The following ODR4 variants were observed in gnomAD, a reference collection of about 807,000 sequenced individuals.
ODR4 encodes odr-4 GPCR localization factor homolog.
Under a neutral mutation model 60.2 loss-of-function variants are expected in ODR4, and 47 were observed. The observed-to-expected ratio is 0.78, with a 90% CI of 0.62 to 1.00. ODR4 has a LOEUF of 1.00. Ranked by LOEUF, ODR4 falls within the 50% of genes least tolerant of loss-of-function variation. The pLI, the probability that ODR4 is intolerant of heterozygous loss-of-function variation, is 0.00. For missense variants in ODR4, 488 were observed against 530.8 expected, an observed-to-expected ratio of 0.92 and a Z score of 0.79; for synonymous variants, 178 against 175.5, an observed-to-expected ratio of 1.01 and a Z score of -0.11.
Position 186,375,993 on chromosome 1 carries a change from A to AGTGTGTGTGTGTGT in ODR4, c.-20+35_-20+48dup, listed in dbSNP as rs113247382. 348 of 158,494 alleles carry AGTGTGTGTGTGTGT rather than the reference A, an allele frequency of 2.2e-3. 2 individuals are homozygous for AGTGTGTGTGTGTGT. Among genetic ancestry groups the AGTGTGTGTGTGTGT allele is most frequent in the East Asian group, 6.4e-3 (35 of 5,444 alleles). 9.8% of individuals were successfully genotyped at this position (158,494 alleles called of 1,614,324 possible). A position where few individuals can be genotyped will look rare whatever the true frequency, so the allele number is the denominator to read the frequency against. ...AAAACAGGTAAGTCAGCCTAAGTGTAGTGTGTGTGTGTGTGTGTGTGTGTG... is the reference window on the plus strand; with the variant it reads ...AAAACAGGTAAGTCAGCCTAAGTGTAGTGTGTGTGTGTGTGTGTGTGTGTGTGTGTGTGTGTGTG... On this transcript the variant is annotated intron_variant, in intron 1 of 13. Coordinates refer to ENST00000287859, the MANE Select transcript of ODR4 (RefSeq NM_017847.6).
At chr1:186,387,478 A>G (rs1660296792) in intron 4 of ODR4, among the ~76,000 whole-genome samples, 1 of 152,162 alleles carries the variant, frequency 6.6e-6, no homozygotes, top group African/African-American at 2.4e-5. Context: ...TTGCTTTTGT[A>G]TCTTTTGTTC....
chr1:186,424,791 G>T (rs1231812715), downstream of ODR4, among the ~76,000 whole-genome samples: 2 of 151,866 alleles, frequency 1.3e-5, no homozygotes, highest in African/African-American at 4.8e-5. Flanking sequence ...TTCCAGTCGT[G>T]GTGGCTGGGC....
At chr1:186,403,303 A>G (rs188118472) in intron 11 of ODR4, among the ~76,000 whole-genome samples, 24 of 152,174 alleles carry the variant, frequency 1.6e-4, no homozygotes, top group African/African-American at 5.5e-4. Flanking sequence ...TTTATGAGGT[A>G]TATGAGATGT....
chr1:186,406,817 C>T (rs569091796), intron 12 of ODR4, among the ~76,000 whole-genome samples: 3 of 151,766 alleles, frequency 2.0e-5, no homozygotes, highest in African/African-American at 4.8e-5. Flanking sequence ...TTTTTTTTCC[C>T]TAGCCATCAC....
the ODR4 span, among the ~76,000 whole-genome samples, chr1:186,433,649 C>T: frequency 6.6e-6 from 1 of 152,112 alleles, no homozygotes; most frequent in Non-Finnish European, 1.5e-5. Flanking sequence ...GGTGTGATCT[C>T]AGCTCACTGC....
In ODR4 at chr1:186,379,944, A is replaced by G. The variant is rs992491731; in HGVS notation, c.99+60A>G. The G allele has an allele frequency of 7.9e-6, 8 of 1,009,582 alleles. No homozygotes were observed. In the Admixed American group the frequency reaches 8.2e-5, roughly 10 times the overall value. The allele number at this position is 1,009,582 out of a possible 1,614,324, so 62.5% of individuals were successfully genotyped here. A position where few individuals can be genotyped will look rare whatever the true frequency, so the allele number is the denominator to read the frequency against. ...AATTACTCTGTAATTTATTTTAAAA[A>G]TTACTTGTTGATTTAAAGTTAAAAG... is the stretch of plus-strand genomic sequence containing the variant. On this transcript the variant is annotated intron_variant, in intron 2 of 13. Transcript: ENST00000287859.
At chr1:186,389,331 A>G (rs890594905) in intron 5 of ODR4, among the ~76,000 whole-genome samples, 39 of 152,174 alleles carry the variant, frequency 2.6e-4, no homozygotes, top group African/African-American at 9.4e-4. Context: ...TATTGCAATT[A>G]GCGGGATTCA....
intron 9 of ODR4, among the ~76,000 whole-genome samples, chr1:186,397,315 G>A (rs767568274): frequency 3.3e-5 from 5 of 152,070 alleles, no homozygotes; most frequent in African/African-American, 4.8e-5. Flanking sequence ...TTTGACTTTT[G>A]TTCTTCAGAA....
chr1:186,399,990 C>CTTTTTTTTTTTTT (rs948511178), intron 11 of ODR4, among the ~76,000 whole-genome samples: 40 of 112,066 alleles, frequency 3.6e-4, no homozygotes, highest in East Asian at 7.7e-4. Flanking sequence ...TTTTTTTTTT[C>CTTTTTTTTTTTTT]TTTTTTTTTT....
rs1661699607 is a variant in ODR4 at position 186,419,436 on chromosome 1, G to A, written c.*360G>A. 7 of 236,208 alleles carry A rather than the reference G, an allele frequency of 3.0e-5. No individual in the cohort carries two copies. The South Asian group carries it at 4.1e-4, about 14-fold the overall frequency. The allele number at this position is 236,208 out of a possible 1,614,324, so 14.6% of individuals were successfully genotyped here. The stretch of plus-strand genomic sequence containing the variant: ...ACATTAAAAACTTTAACAGAGGCAT[G>A]ATGGCTCACACGTATAATCCTAATG... On this transcript the variant is annotated 3_prime_UTR_variant, in exon 14 of 14. Transcript: ENST00000287859.
chr1:186,423,223 G>T (rs956978924), downstream of ODR4, among the ~76,000 whole-genome samples: 1 of 151,966 alleles, frequency 6.6e-6, no homozygotes, highest in African/African-American at 2.4e-5. Flanking sequence ...AGCTAATGAG[G>T]GAATACTTGC....
intron 12 of ODR4, chr1:186,411,843 G>C (rs904622205): frequency 2.0e-6 from 2 of 978,008 alleles, no homozygotes; most frequent in Non-Finnish European, 2.4e-6. Context: ...AGTAGGAAGA[G>C]TTTAATATTA....
At chr1:186,400,152 C>T (rs537548072) in intron 11 of ODR4, among the ~76,000 whole-genome samples, 68 of 150,648 alleles carry the variant, frequency 4.5e-4, no homozygotes, top group Admixed American at 2.5e-3. Context: ...CCACCATGCC[C>T]GGCTAATTTT....
At chr1:186,403,814 T>G (rs192871210) in intron 11 of ODR4, among the ~76,000 whole-genome samples, 155 of 152,310 alleles carry the variant, frequency 1.0e-3, no homozygotes, top group Non-Finnish European at 1.7e-3. Context: ...ACCTACTCAT[T>G]GTGAAAATGG....
intron 12 of ODR4, among the ~76,000 whole-genome samples, chr1:186,415,697 T>C (rs1661536798): frequency 6.6e-6 from 1 of 152,108 alleles, no homozygotes; most frequent in East Asian, 1.9e-4. Context: ...TCTTCAGTCC[T>C]AGGGGAAAAA....
At chr1:186,380,269 T>G (rs1470065548) in intron 2 of ODR4, among the ~76,000 whole-genome samples, 1 of 152,180 alleles carries the variant, frequency 6.6e-6, no homozygotes, top group Non-Finnish European at 1.5e-5. Context: ...TTTGAAAATT[T>G]TATTCCTGTT....
chr1:186,401,498 T>TTCTC (rs148470500), intron 11 of ODR4: 23 of 198,264 alleles, frequency 1.2e-4, no homozygotes, highest in Middle Eastern at 2.2e-3. Context: ...CTTTCTTTCT[T>TTCTC]TCTCTCTCTC....
chr1:186,421,698 A>T (rs1033727135), downstream of ODR4, among the ~76,000 whole-genome samples: 1 of 151,916 alleles, frequency 6.6e-6, no homozygotes, highest in Non-Finnish European at 1.5e-5. Flanking sequence ...ATCCCGTTCT[A>T]CCAAAATACA....
chr1:186,405,719 T>A (rs1340199363), intron 11 of ODR4, among the ~76,000 whole-genome samples: 1 of 151,910 alleles, frequency 6.6e-6, no homozygotes, highest in Non-Finnish European at 1.5e-5. Flanking sequence ...GCCTGACTAA[T>A]TTTTGTATTT....
Sources: allele counts gnomAD v4.1 joint callset (sites outside exome capture counted in the v4.1 genomes callset), GRCh38; gene constraint gnomAD v4.1.1; transcripts MANE v1.5; gene names NCBI Gene and HGNC (gene_info 2026-07-23, HGNC 2026-07-21).